The following PARVA variants were observed in gnomAD, a reference collection of about 807,000 sequenced individuals.
PARVA encodes alpha-parvin.
Under a neutral mutation model 52.6 loss-of-function variants are expected in PARVA, and 25 were observed. The observed-to-expected ratio is 0.48, with a 90% confidence interval of 0.35 to 0.66. The LOEUF (loss-of-function observed/expected upper bound fraction) is 0.66, where lower values mean the gene tolerates loss of function less well. Ranked by LOEUF, PARVA falls within the 30% of genes least tolerant of loss-of-function variation. The pLI is 0.01. For missense variants in PARVA, 373 were observed against 450.9 expected (o/e 0.83, Z 1.56); for synonymous variants, 185 against 179.1 (o/e 1.03, Z -0.26).
At chr11:12,461,657 C>T (rs571215141) in intron 1 of PARVA, among the ~76,000 whole-genome samples, 32 of 152,306 alleles carry the variant, frequency 2.1e-4, no homozygotes, top group African/African-American at 7.0e-4. Flanking sequence ...TCCATGCCTA[C>T]GAGCAATTGG....
At chr11:12,482,274 C>T (rs1941098540) in intron 4 of PARVA, among the ~76,000 whole-genome samples, 1 of 151,874 alleles carries the variant, frequency 6.6e-6, no homozygotes, top group Non-Finnish European at 1.5e-5. Flanking sequence ...GAAGGTGTGG[C>T]AGTGTATTAG....
At chr11:12,457,976 A>T (rs556279313) in intron 1 of PARVA, among the ~76,000 whole-genome samples, 1 of 152,286 alleles carries the variant, frequency 6.6e-6, no homozygotes, top group African/African-American at 2.4e-5. Context: ...GCCCACTGAG[A>T]CTGGGGTCAT....
At chr11:12,506,477 T>A (rs939767355) in intron 6 of PARVA, among the ~76,000 whole-genome samples, 1 of 152,182 alleles carries the variant, frequency 6.6e-6, no homozygotes, top group Non-Finnish European at 1.5e-5. Flanking sequence ...AATAATAAAA[T>A]CTGCCTGCTG....
chr11:12,514,790 G>A (rs759214827), intron 10 of PARVA, among the ~76,000 whole-genome samples: 8 of 152,198 alleles, frequency 5.3e-5, no homozygotes, highest in Non-Finnish European at 1.0e-4. Flanking sequence ...CCAGCTGACT[G>A]TTCTTAACCT....
At chr11:12,415,802 G>C (rs1940057444) in intron 1 of PARVA, among the ~76,000 whole-genome samples, 1 of 152,156 alleles carries the variant, frequency 6.6e-6, no homozygotes, top group South Asian at 2.1e-4. Context: ...GAGAGAGAGA[G>C]ATTAGGCATT....
intron 6 of PARVA, among the ~76,000 whole-genome samples, chr11:12,508,068 T>C (rs1451894172): frequency 1.5e-5 from 2 of 135,802 alleles, no homozygotes. Context: ...GAGGACTTAC[T>C]ACTTATTTAA....
chr11:12,509,756 G>A (rs753259299), intron 7 of PARVA, among the ~76,000 whole-genome samples: 6 of 152,200 alleles, frequency 3.9e-5, no homozygotes, highest in South Asian at 2.1e-4. Context: ...TCAGAGGCCA[G>A]TCTTGGTAGC....
intron 1 of PARVA, among the ~76,000 whole-genome samples, chr11:12,450,439 T>C (rs1481194632): frequency 6.6e-6 from 1 of 152,202 alleles, no homozygotes; most frequent in African/African-American, 2.4e-5. Flanking sequence ...AACCCCACTA[T>C]TGAGCTCTGG....
intron 1 of PARVA, among the ~76,000 whole-genome samples, chr11:12,383,141 TTG>T (rs1221233991): frequency 6.6e-6 from 1 of 152,168 alleles, no homozygotes; most frequent in Non-Finnish European, 1.5e-5. Flanking sequence ...TTCTTATGAG[TTG>T]TAGCTTAAGT....
intron 1 of PARVA, among the ~76,000 whole-genome samples, chr11:12,455,355 G>A (rs1159458911): frequency 6.6e-6 from 1 of 152,176 alleles, no homozygotes; most frequent in Non-Finnish European, 1.5e-5. Flanking sequence ...ATAAATGTTA[G>A]ATTATTTCCC....
intron 5 of PARVA, 133 bp downstream of exon 5, chr11:12,496,731 T>A (rs1760999539): frequency 1.2e-6 from 1 of 800,924 alleles, no homozygotes. Context: ...TTTGAACAAG[T>A]TGCCCCGCTT....
chr11:12,533,896 C>T lies in PARVA; in HGVS notation c.*5971C>T, dbSNP rs369474781. 8.6e-5 allele frequency among the ~76,000 whole-genome samples: 13 copies of T among 151,962 alleles called. No individual in the cohort carries two copies. In the South Asian group the frequency reaches 1.5e-3, roughly 17 times the overall value. On this transcript the variant is annotated 3_prime_UTR_variant, in exon 13 of 13. Transcript: ENST00000334956. ...AGAAAAAAAATCCATGGGCCGAGCA[C>T]GGTGGCTCACACCTGTAATCCCAGC...
At chr11:12,524,996 A>C (rs1212115445) in intron 12 of PARVA, among the ~76,000 whole-genome samples, 1 of 152,210 alleles carries the variant, frequency 6.6e-6, no homozygotes, top group Non-Finnish European at 1.5e-5. Context: ...TGAGGTCTGC[A>C]GGAGGACCTA....
chr11:12,393,917 C>A (rs1939698953), intron 1 of PARVA, among the ~76,000 whole-genome samples: 1 of 152,234 alleles, frequency 6.6e-6, no homozygotes, highest in Non-Finnish European at 1.5e-5. Context: ...TGTGGTTGCA[C>A]AAGTTTTTAC....
At chr11:12,416,354 C>T (rs1028741403) in intron 1 of PARVA, among the ~76,000 whole-genome samples, 14 of 152,128 alleles carry the variant, frequency 9.2e-5, no homozygotes, top group Admixed American at 3.9e-4. Context: ...CTGTCCCTAG[C>T]GGTAGAACAG....
rs116255844 is a variant in PARVA, at chr11:12,526,276, C to G, written c.1043-1573C>G. On this transcript the variant is annotated intron_variant, in intron 12 of 12. Transcript: ENST00000334956. ...AAGGCTAAGACCTGGGAGCCCCTGG[C>G]TCCCCACTCTGCCTACTCTTGAAGG... is the stretch of plus-strand genomic sequence containing the variant. Among the ~76,000 whole-genome samples, 910 of 152,242 alleles carry G rather than the reference C, an allele frequency of 6.0e-3. 12 individuals are homozygous for G. The highest frequency in any genetic ancestry group is 0.021 in the African/African-American group (866 of 41,546).
intron 1 of PARVA, among the ~76,000 whole-genome samples, chr11:12,423,331 A>T (rs1056536866): frequency 1.4e-5 from 2 of 144,320 alleles, no homozygotes; most frequent in East Asian, 4.1e-4. Flanking sequence ...GGCGTGCGCC[A>T]CCATGCGTGG....
chr11:12,464,215 T>C (rs989536208), intron 1 of PARVA, among the ~76,000 whole-genome samples: 9 of 151,792 alleles, frequency 5.9e-5, no homozygotes, highest in African/African-American at 2.2e-4. Context: ...CACTAATTTA[T>C]AGAAATACTT....
At chr11:12,427,446 T>C (rs1421530054) in intron 1 of PARVA, among the ~76,000 whole-genome samples, 1 of 152,208 alleles carries the variant, frequency 6.6e-6, no homozygotes, top group African/African-American at 2.4e-5. Flanking sequence ...ATCATTGACA[T>C]GAATACATGG....
Sources: gnomAD v4.1 joint callset for allele counts (sites outside exome capture counted in the v4.1 genomes callset) on GRCh38, gnomAD v4.1.1 for gene constraint, MANE v1.5 for transcripts, NCBI Gene and HGNC (gene_info 2026-07-23, HGNC 2026-07-21) for gene names.